The following PAX2 variants were observed in gnomAD, a reference collection of about 807,000 sequenced individuals.
The protein encoded by PAX2 is paired box protein Pax-2.
Under a neutral mutation model 41.7 loss-of-function variants are expected in PAX2, and 9 were observed. The ratio of observed to expected loss-of-function variants is 0.22; its 90% CI spans 0.13 to 0.38. The LOEUF (loss-of-function observed/expected upper bound fraction) is 0.38. PAX2 is among the 10% of genes least tolerant of loss of function. PAX2 has a pLI of 1.00. For synonymous variants in PAX2, 221 were observed against 212.7 expected, an observed-to-expected ratio of 1.04 and a Z score of -0.34; for missense variants, 418 against 531.6, an observed-to-expected ratio of 0.79 and a Z score of 2.10.
chr10:100,773,151 G>T (rs1846270273), intron 3 of PAX2, among the ~76,000 whole-genome samples: 1 of 152,208 alleles, frequency 6.6e-6, no homozygotes, highest in Admixed American at 6.5e-5. Context: ...TTAAATGGGT[G>T]ACTTTGAGCA....
intron 3 of PAX2, among the ~76,000 whole-genome samples, chr10:100,764,236 C>T (rs192615308): frequency 2.7e-5 from 4 of 150,664 alleles, no homozygotes; most frequent in Admixed American, 6.6e-5. Flanking sequence ...CTCCGCCTCC[C>T]GGGTTCATGC....
intron 3 of PAX2, among the ~76,000 whole-genome samples, chr10:100,758,269 T>A (rs1313974259): frequency 6.6e-6 from 1 of 151,684 alleles, no homozygotes; most frequent in Admixed American, 6.6e-5. Context: ...ACCTCCCGAG[T>A]AGCTGGGACT....
upstream of PAX2, among the ~76,000 whole-genome samples, chr10:100,741,363 G>A (rs185897858): frequency 2.1e-3 from 315 of 150,200 alleles, 1 homozygote; most frequent in Non-Finnish European, 3.5e-3. Flanking sequence ...GCTGTGGAGT[G>A]TGAAATTGCA....
Position 100,766,225 on chromosome 10 carries a change from A to G in PAX2, c.411-13273A>G, listed in dbSNP as rs538270092. 3.3e-5 allele frequency among the ~76,000 whole-genome samples: 5 copies of G among 152,312 alleles called. No homozygotes were observed. In the South Asian group the frequency reaches 6.2e-4, roughly 19 times the overall value. ...ATCAAGGGAAGTGCAGGCACAGGCA[A>G]TCTCCTGGGGAACTCTGTATATTTT... is the stretch of plus-strand genomic sequence containing the variant. On this transcript the variant is annotated intron_variant, in intron 3 of 9. Coordinates refer to ENST00000355243, the MANE Select transcript of PAX2 (RefSeq NM_000278.5).
intron 1 of PAX2, among the ~76,000 whole-genome samples, chr10:100,739,843 T>A (rs924573183): frequency 6.6e-6 from 1 of 152,174 alleles, no homozygotes; most frequent in Admixed American, 6.5e-5. Context: ...AGTTAATCAT[T>A]ACTTCGCCAG....
At chr10:100,745,499 C>T (rs1384002888), upstream of PAX2, among the ~76,000 whole-genome samples, 1 of 152,178 alleles carries the variant, frequency 6.6e-6, no homozygotes, top group Non-Finnish European at 1.5e-5. Flanking sequence ...ACAAGTCATC[C>T]ATCTCCCGGC....
intron 3 of PAX2, among the ~76,000 whole-genome samples, chr10:100,752,246 A>G (rs925994825): frequency 6.6e-6 from 1 of 152,174 alleles, no homozygotes. Flanking sequence ...CTAATTATAC[A>G]CCCTCCGAAA....
rs539329423 is a variant in PAX2, at chr10:100,829,848, A to C, written c.*2229A>C. 3 of 191,462 alleles carry C rather than the reference A, an allele frequency of 1.6e-5. No individual in the cohort carries two copies. In the East Asian group the frequency reaches 2.4e-4, roughly 15 times the overall value. 11.9% of individuals were successfully genotyped at this position (191,462 alleles called of 1,614,324 possible). On this transcript the variant is annotated 3_prime_UTR_variant, in exon 10 of 10. Transcript: ENST00000355243. ...CCGGACGGTTCTGGTCTCCTCGGCC[A>C]CTTTCAGTGCGTCGGTTCGTTTTGA... is the stretch of plus-strand genomic sequence containing the variant.
intron 1 of PAX2, chr10:100,749,493 C>G: frequency 1.5e-6 from 2 of 1,327,856 alleles, no homozygotes; most frequent in Non-Finnish European, 1.9e-6. Flanking sequence ...TCCAGTCCCC[C>G]CTTTGCTTTC....
chr10:100,764,253 T>C (rs1845942877), intron 3 of PAX2, among the ~76,000 whole-genome samples: 1 of 151,382 alleles, frequency 6.6e-6, no homozygotes, highest in African/African-American at 2.4e-5. Flanking sequence ...ATGCCATTCT[T>C]CTGCCTCAGC....
upstream of PAX2, among the ~76,000 whole-genome samples, chr10:100,740,653 A>C (rs1844920882): frequency 6.6e-6 from 1 of 152,258 alleles, no homozygotes; most frequent in Non-Finnish European, 1.5e-5. Flanking sequence ...TCCATGGAGT[A>C]GACAAGACAG....
At chr10:100,735,864 T>G (rs1336333323) in intron 1 of PAX2, 15 of 558,070 alleles carry the variant, frequency 2.7e-5, no homozygotes, top group Non-Finnish European at 3.5e-5. Flanking sequence ...ACGTGAAGGC[T>G]GGGGACTGAG....
intron 5 of PAX2, among the ~76,000 whole-genome samples, chr10:100,785,874 G>A (rs532337076): frequency 6.6e-6 from 1 of 152,270 alleles, no homozygotes; most frequent in Non-Finnish European, 1.5e-5. Context: ...CTGAATCCTG[G>A]TGCCCCTCAC....
At chr10:100,790,207 G>T (rs1302277991) in intron 5 of PAX2, among the ~76,000 whole-genome samples, 2 of 152,116 alleles carry the variant, frequency 1.3e-5, no homozygotes, top group Non-Finnish European at 2.9e-5. Flanking sequence ...GAATAGAGAG[G>T]TCAATTCCAC....
intron 5 of PAX2, among the ~76,000 whole-genome samples, chr10:100,789,322 T>C (rs559791304): frequency 3.9e-5 from 6 of 152,188 alleles, no homozygotes; most frequent in Non-Finnish European, 8.8e-5. Context: ...GCCAGGCTGG[T>C]CTTGAACTTC....
At chr10:100,768,794 C>T (rs915892574) in intron 3 of PAX2, among the ~76,000 whole-genome samples, 1 of 152,118 alleles carries the variant, frequency 6.6e-6, no homozygotes. Context: ...AAAAAATAAA[C>T]ACCAACCAAA....
At position 100,828,396 on chromosome 10, in the gene PAX2, G is replaced by C; in HGVS notation, c.*777G>C. On this transcript the variant is annotated 3_prime_UTR_variant, in exon 10 of 10. Coordinates refer to ENST00000355243, the MANE Select transcript of PAX2 (RefSeq NM_000278.5). The surrounding 1 kb of genome is among the most constrained non-coding windows in gnomAD (Gnocchi z 6.5). ...TGGCCTGCCTAGTTCCCCAGGGCCC[G>C]GCACCTCCTGCTGCGAGACCCGGCT... The C allele has an allele frequency of 4.3e-6, 1 of 233,708 alleles. No homozygotes were observed. The highest frequency in any genetic ancestry group is 2.2e-5 in the African/African-American group (1 of 45,434). 14.5% of individuals were successfully genotyped at this position (233,708 alleles called of 1,614,324 possible).
Position 100,749,530 on chromosome 10 carries a change from C to A in PAX2, c.44-216C>A, listed in dbSNP as rs116280278. The A allele has an allele frequency of 8.1e-4, 1,095 of 1,354,424 alleles. 7 individuals are homozygous for A. In the African/African-American group the frequency reaches 0.014, roughly 18 times the overall value. 83.9% of individuals were successfully genotyped at this position (1,354,424 alleles called of 1,614,324 possible). ...ACCTTGCGTCGCAAGGCCTGAGTCG[C>A]CCTCTCGCCCAGCCCCCAGTCTTCA... On this transcript the variant is annotated intron_variant, in intron 1 of 9. Transcript: ENST00000355243.
At position 100,748,682 on chromosome 10, in the gene PAX2, G is replaced by T. The variant is rs1487925852; in HGVS notation, c.44-1064G>T. 1.0e-6 allele frequency: 1 copy of T among 985,350 alleles called. No individual in the cohort carries two copies. The highest frequency in any genetic ancestry group is 1.1e-4 in the East Asian group (1 of 8,836). 61.0% of individuals were successfully genotyped at this position (985,350 alleles called of 1,614,324 possible). On this transcript the variant is annotated intron_variant, in intron 1 of 9. Transcript: ENST00000355243. This position sits in a 1 kb window ranked among gnomAD's most constrained non-coding sequence, Gnocchi z 5.0. The stretch of plus-strand genomic sequence containing the variant: ...GCACCCTCAGGCCTGGCACCCAGTG[G>T]CCGCCTCGGTTCCGAGATCGGGAGC...
Sources: allele counts gnomAD v4.1 joint callset (sites outside exome capture counted in the v4.1 genomes callset), GRCh38; gene constraint gnomAD v4.1.1; non-coding constraint Gnocchi (gnomAD v3.1); transcripts MANE v1.5; gene names NCBI Gene and HGNC (gene_info 2026-07-23, HGNC 2026-07-21).